Variants in AKAP7 observed in about 807,000 individuals in gnomAD.
AKAP7 encodes A-kinase anchoring protein 7.
A neutral mutation model predicts 39.5 loss-of-function variants in AKAP7; 39 were observed. That is an observed-to-expected ratio of 0.99 (90% CI 0.76 to 1.29). AKAP7 has a LOEUF of 1.29. Among genes scored for constraint, AKAP7 ranks in the 50% most tolerant of loss-of-function variants. The pLI, the probability that AKAP7 is intolerant of heterozygous loss-of-function variation, is 0.00. For synonymous variants in AKAP7, 140 were observed against 139.1 expected, an observed-to-expected ratio of 1.01 and a Z score of -0.05; for missense variants, 414 against 407.7, an observed-to-expected ratio of 1.02 and a Z score of -0.13.
upstream of AKAP7, among the ~76,000 whole-genome samples, chr6:131,133,233 TTTTCTTC>T (rs1800366814): frequency 1.3e-5 from 2 of 152,200 alleles, no homozygotes; most frequent in African/African-American, 4.8e-5. Flanking sequence ...GCCTACTAGT[TTTTCTTC>T]CTCATTTTTT....
At chr6:131,143,738 CT>C (rs768597844) in intron 1 of AKAP7, among the ~76,000 whole-genome samples, 6,877 of 142,822 alleles carry the variant, frequency 0.048, 266 homozygotes, top group African/African-American at 0.095. Context: ...TAGCCATATT[CT>C]TTTTTTTTTT....
intron 6 of AKAP7, among the ~76,000 whole-genome samples, chr6:131,200,523 A>G (rs1050857825): frequency 1.3e-5 from 2 of 151,982 alleles, no homozygotes; most frequent in African/African-American, 4.8e-5. Flanking sequence ...AATTTGCCAC[A>G]TTTTGTATTT....
chr6:131,202,733 C>T (rs2128283983), intron 6 of AKAP7, among the ~76,000 whole-genome samples: 1 of 151,708 alleles, frequency 6.6e-6, no homozygotes, highest in African/African-American at 2.4e-5. Context: ...ACATTGTGCA[C>T]ATGTACCCTA....
At chr6:131,163,026 C>A (rs1385382611) in intron 3 of AKAP7, among the ~76,000 whole-genome samples, 1 of 152,052 alleles carries the variant, frequency 6.6e-6, no homozygotes, top group African/African-American at 2.4e-5. Flanking sequence ...CTCTCTGCTG[C>A]TGTTTCATGG....
chr6:131,166,417 C>T (rs1046408056), intron 4 of AKAP7, among the ~76,000 whole-genome samples: 4 of 152,142 alleles, frequency 2.6e-5, no homozygotes, highest in Admixed American at 1.3e-4. Context: ...CCAATAGGAG[C>T]GTATCTATGT....
At chr6:131,257,474 G>T (rs370419679) in intron 7 of AKAP7, among the ~76,000 whole-genome samples, 9 of 151,120 alleles carry the variant, frequency 6.0e-5, no homozygotes, top group African/African-American at 1.7e-4. Flanking sequence ...TTGAATTTTT[G>T]AGTAGACTTG....
intron 2 of AKAP7, among the ~76,000 whole-genome samples, chr6:131,150,071 A>G (rs1447474757): frequency 6.6e-6 from 1 of 152,182 alleles, no homozygotes; most frequent in Non-Finnish European, 1.5e-5. Flanking sequence ...CGCCCACCTC[A>G]GTCTCTTGAG....
intron 7 of AKAP7, among the ~76,000 whole-genome samples, chr6:131,249,867 T>C (rs977894506): frequency 3.3e-5 from 5 of 152,220 alleles, no homozygotes; most frequent in Non-Finnish European, 7.3e-5. Flanking sequence ...TATTGATTAC[T>C]GCTTTACTAG....
chr6:131,165,251 C>T, intron 4 of AKAP7, 34 bp downstream of exon 4: 2 of 1,514,100 alleles, frequency 1.3e-6, no homozygotes, highest in Non-Finnish European at 1.8e-6. Flanking sequence ...TATAATTTTC[C>T]AAATTATTAC....
At chr6:131,133,890 A>C (rs1042836996), upstream of AKAP7, among the ~76,000 whole-genome samples, 1 of 152,194 alleles carries the variant, frequency 6.6e-6, no homozygotes, top group East Asian at 1.9e-4. Flanking sequence ...CAGTATGGGA[A>C]GGTTACTAGA....
At chr6:131,187,209 C>A (rs1171877868) in intron 5 of AKAP7, among the ~76,000 whole-genome samples, 1 of 152,050 alleles carries the variant, frequency 6.6e-6, no homozygotes, top group Non-Finnish European at 1.5e-5. Context: ...TTGCTTTGAG[C>A]AGTATTGGCA....
chr6:131,264,090 C>A (rs1359957123), intron 7 of AKAP7, among the ~76,000 whole-genome samples: 2 of 152,024 alleles, frequency 1.3e-5, no homozygotes, highest in Admixed American at 6.6e-5. Context: ...TTAATTATAT[C>A]CAGTCTTTTG....
intron 3 of AKAP7, among the ~76,000 whole-genome samples, chr6:131,164,143 C>T (rs1234338199): frequency 1.3e-5 from 2 of 152,028 alleles, no homozygotes; most frequent in Non-Finnish European, 2.9e-5. Context: ...TTTTTCTTAT[C>T]TCTGCTTTTT....
chr6:131,269,419 G>A (rs969117731), intron 7 of AKAP7, among the ~76,000 whole-genome samples: 1 of 152,208 alleles, frequency 6.6e-6, no homozygotes, highest in African/African-American at 2.4e-5. Flanking sequence ...ATGACTTGGA[G>A]TGGTCTTGAG....
chr6:131,178,725 T>A (rs1335624275), intron 5 of AKAP7, among the ~76,000 whole-genome samples: 1 of 152,200 alleles, frequency 6.6e-6, no homozygotes, highest in Non-Finnish European at 1.5e-5. Flanking sequence ...GCTCTTTCAG[T>A]TGTCCTATCT....
At chr6:131,183,021 C>T (rs531815689) in intron 5 of AKAP7, among the ~76,000 whole-genome samples, 1 of 152,078 alleles carries the variant, frequency 6.6e-6, no homozygotes, top group African/African-American at 2.4e-5. Flanking sequence ...AAAAAACCAC[C>T]GTCATGGAAA....
At position 131,281,894 on chromosome 6, in the gene AKAP7, C is replaced by G. The variant is rs1815229677; in HGVS notation, c.*168C>G. The G allele has an allele frequency of 7.9e-7, 1 of 1,260,696 alleles. No individual in the cohort carries two copies. The allele number at this position is 1,260,696 out of a possible 1,614,324, so 78.1% of individuals were successfully genotyped here. ...ATGTGTTCGCATTGCTGAAACACAA[C>G]AGAAGAAAAATGGAGTGCTGGGACT... On this transcript the variant is annotated 3_prime_UTR_variant, in exon 8 of 8. Transcript: ENST00000431975. This position sits in a 1 kb window ranked among gnomAD's most constrained non-coding sequence, Gnocchi z 4.0.
chr6:131,168,402 T>G (rs1041527841), intron 4 of AKAP7, among the ~76,000 whole-genome samples: 4 of 150,376 alleles, frequency 2.7e-5, no homozygotes, highest in African/African-American at 9.9e-5. Flanking sequence ...ACAGAGAACC[T>G]GTCTGAAAAA....
In AKAP7 at chr6:131,135,741, C is replaced by T. The variant is rs1479064404; in HGVS notation, c.-23C>T. The stretch of plus-strand genomic sequence containing the variant: ...ACCGCCGCTGCCGCCAGCCCAGACG[C>T]GCCGCCCGCATGCGCCGCGACCATG... On this transcript the variant is annotated 5_prime_UTR_variant, in exon 1 of 8. Transcript: ENST00000431975. 2.1e-5 allele frequency: 26 copies of T among 1,220,704 alleles called. No homozygotes were observed. The highest frequency in any genetic ancestry group is 2.5e-5 in the Non-Finnish European group (25 of 982,756). 75.6% of individuals were successfully genotyped at this position (1,220,704 alleles called of 1,614,324 possible). A position where few individuals can be genotyped will look rare whatever the true frequency, so the allele number is the denominator to read the frequency against.
Sources: allele counts gnomAD v4.1 joint callset (sites outside exome capture counted in the v4.1 genomes callset), GRCh38; gene constraint gnomAD v4.1.1; non-coding constraint Gnocchi (gnomAD v3.1); transcripts MANE v1.5; gene names NCBI Gene and HGNC (gene_info 2026-07-23, HGNC 2026-07-21).